The following DPP6 variants were observed in gnomAD, a reference collection of about 807,000 sequenced individuals.
DPP6 encodes the protein dipeptidyl peptidase like 6, also known as A-type potassium channel modulatory protein DPP6.
DPP6 carries 69 observed loss-of-function variants against 122.6 expected under a neutral mutation model. That is an observed-to-expected ratio of 0.56 (90% confidence interval 0.46 to 0.69). DPP6 has a LOEUF of 0.69. DPP6 is among the 30% of genes least tolerant of loss of function. The pLI, the probability that DPP6 is intolerant of heterozygous loss-of-function variation, is 0.00. For missense variants in DPP6, 928 were observed against 1,116.9 expected, an observed-to-expected ratio of 0.83 and a Z score of 2.41; for synonymous variants, 418 against 433.1, an observed-to-expected ratio of 0.97 and a Z score of 0.43.
At chr7:153,863,934 T>C in the DPP6 span, among the ~76,000 whole-genome samples, 1 of 152,252 alleles carries the variant, frequency 6.6e-6, no homozygotes, top group African/African-American at 2.4e-5. Context: ...GGCTGAATAA[T>C]CTTCCACTGT....
chr7:154,521,573 C>CA (rs1284240109), intron 3 of DPP6, among the ~76,000 whole-genome samples: 2 of 152,060 alleles, frequency 1.3e-5, no homozygotes, highest in African/African-American at 4.8e-5. Flanking sequence ...TAATCAAAGG[C>CA]AAATTGGGCA....
intron 1 of DPP6, among the ~76,000 whole-genome samples, chr7:154,394,024 A>C (rs1413762508): frequency 6.6e-6 from 1 of 152,214 alleles, no homozygotes; most frequent in Non-Finnish European, 1.5e-5. Flanking sequence ...TGTGTATGTT[A>C]CATTTTGCTC....
chr7:153,864,528 C>T, the DPP6 span, among the ~76,000 whole-genome samples: 546 of 151,940 alleles, frequency 3.6e-3, 5 homozygotes, highest in African/African-American at 7.1e-3. Flanking sequence ...TGGTGGTGGG[C>T]GCCTCTAATC....
At chr7:153,887,764 G>A (rs1359315934) in intron 1 of DPP6, 4 of 1,609,238 alleles carry the variant, frequency 2.5e-6, no homozygotes, top group Admixed American at 1.7e-5. Flanking sequence ...CGCGCGCTGG[G>A]TCGGGGGGAC....
In DPP6 at chr7:154,853,823, G is replaced by A. The variant is rs1326552705; in HGVS notation, c.1710G>A (p.Lys570=). 6.2e-7 allele frequency: 1 copy of A among 1,613,624 alleles called. No homozygotes were observed. The highest frequency in any genetic ancestry group is 8.5e-7 in the Non-Finnish European group (1 of 1,179,804). ...PMVTVHNTTD[K]KKMFDLETNE... The stretch of plus-strand genomic sequence containing the variant: ...TGACGGTGCACAACACAACAGATAA[G>A]AAAAGTAAGTGCTCTTTTTTTTCCT... The change falls in exon 17 of 26, where the codon AAG becomes AAA. Residue 570 remains lysine (K), a synonymous_variant. Coordinates refer to ENST00000377770, the MANE Select transcript of DPP6 (RefSeq NM_130797.4).
the DPP6 span, among the ~76,000 whole-genome samples, chr7:153,871,412 T>C: frequency 6.6e-6 from 1 of 152,186 alleles, no homozygotes; most frequent in African/African-American, 2.4e-5. Context: ...GCTGTGCTAG[T>C]AATGAGCGAG....
chr7:154,244,937 T>C (rs1263929031), intron 1 of DPP6, among the ~76,000 whole-genome samples: 16 of 150,238 alleles, frequency 1.1e-4, no homozygotes, highest in Non-Finnish European at 2.4e-4. Context: ...GACATAACTG[T>C]ATATCTAAAG....
At chr7:154,313,751 A>ACATACACC (rs147976247) in intron 1 of DPP6, among the ~76,000 whole-genome samples, 3,818 of 45,108 alleles carry the variant, frequency 0.085, 681 homozygotes, top group African/African-American at 0.15. Context: ...ACACACACAC[A>ACATACACC]CCCTTACATA....
chr7:154,399,575 C>G (rs1474534471), intron 1 of DPP6, among the ~76,000 whole-genome samples: 1 of 151,890 alleles, frequency 6.6e-6, no homozygotes. Flanking sequence ...TTCTTGTAGT[C>G]AAAAAAAATT....
At chr7:154,433,135 A>ATTTTTTTTTT (rs1349065971) in intron 1 of DPP6, among the ~76,000 whole-genome samples, 1 of 97,820 alleles carries the variant, frequency 1.0e-5, no homozygotes, top group African/African-American at 5.0e-5. Flanking sequence ...CTAGACTGCA[A>ATTTTTTTTTT]GTTTTTTTTT....
Position 154,207,469 on chromosome 7 carries a change from A to G in DPP6, c.243+154406A>G, listed in dbSNP as rs532525377. ...TAAATCAGACCAGTCAGACCACTTC[A>G]CCTGTTGGGCTCTCCAAAGCTTTTC... On this transcript the variant is annotated intron_variant, in intron 1 of 25. Coordinates refer to ENST00000377770, the MANE Select transcript of DPP6 (RefSeq NM_130797.4). Among the ~76,000 whole-genome samples the G allele has an allele frequency of 7.2e-5, 11 of 152,320 alleles. No homozygotes were observed. In the East Asian group the frequency reaches 1.9e-3, roughly 27 times the overall value.
intron 1 of DPP6, among the ~76,000 whole-genome samples, chr7:154,377,238 G>A (rs1012299480): frequency 2.0e-5 from 3 of 152,142 alleles, no homozygotes; most frequent in Non-Finnish European, 4.4e-5. Context: ...CAGTGCCGGA[G>A]GAAATGTTCC....
chr7:153,879,812 A>G, the DPP6 span, among the ~76,000 whole-genome samples: 2 of 152,104 alleles, frequency 1.3e-5, no homozygotes, highest in South Asian at 4.1e-4. Flanking sequence ...ACACTATTTC[A>G]TGGGTTAATT....
intron 1 of DPP6, among the ~76,000 whole-genome samples, chr7:154,076,680 T>G (rs1199001278): frequency 3.3e-5 from 5 of 151,674 alleles, no homozygotes; most frequent in Non-Finnish European, 7.4e-5. Flanking sequence ...ATGTGTGAGA[T>G]TCTCCACTGA....
intron 1 of DPP6, among the ~76,000 whole-genome samples, chr7:154,260,174 G>C (rs983235696): frequency 2.6e-5 from 4 of 152,152 alleles, no homozygotes; most frequent in African/African-American, 9.7e-5. Context: ...GGGTGGGAGC[G>C]GTAGGAGAGG....
chr7:153,935,352 G>GTGCC (rs1190685658), intron 1 of DPP6, among the ~76,000 whole-genome samples: 1 of 152,090 alleles, frequency 6.6e-6, no homozygotes, highest in East Asian at 1.9e-4. Flanking sequence ...CGTTAGTCAT[G>GTGCC]TGCCCTCAGC....
At chr7:154,240,008 A>AGTGAT in intron 1 of DPP6, among the ~76,000 whole-genome samples, 1 of 6,442 alleles carries the variant, frequency 1.6e-4, no homozygotes, top group Non-Finnish European at 3.8e-4. Flanking sequence ...AAAAAAAAAA[A>AGTGAT]AAAAAAAAAA....
At position 154,760,611 on chromosome 7, in the gene DPP6, G is replaced by C. The variant is rs1228238020; in HGVS notation, c.884-8806G>C. On this transcript the variant is annotated intron_variant, in intron 8 of 25. Coordinates refer to ENST00000377770, the MANE Select transcript of DPP6 (RefSeq NM_130797.4). The surrounding 1 kb of genome is among the most constrained non-coding windows in gnomAD (Gnocchi z 4.5). ...TATTTCTTGTCTCTTGAGCAACTGA[G>C]TGGGTGGATGACCCAGTCGATTAAC... Among the ~76,000 whole-genome samples the C allele has an allele frequency of 6.6e-6, 1 of 152,154 alleles. No individual in the cohort carries two copies. The highest frequency in any genetic ancestry group is 1.5e-5 in the Non-Finnish European group (1 of 68,036).
At chr7:154,857,324 G>A (rs1023248719) in intron 17 of DPP6, among the ~76,000 whole-genome samples, 1 of 152,096 alleles carries the variant, frequency 6.6e-6, no homozygotes, top group African/African-American at 2.4e-5. Flanking sequence ...TTTTCCCCAT[G>A]CCTGGATAAA....
Sources: allele counts gnomAD v4.1 joint callset (sites outside exome capture counted in the v4.1 genomes callset), GRCh38; gene constraint gnomAD v4.1.1; non-coding constraint Gnocchi (gnomAD v3.1); transcripts MANE v1.5; gene names NCBI Gene and HGNC (gene_info 2026-07-23, HGNC 2026-07-21).